XPO7: variants seen among roughly 807,000 people sequenced by gnomAD.
XPO7 encodes exportin-7.
In XPO7, 21 loss-of-function variants were observed where a neutral mutation model predicts 144.3. The observed-to-expected ratio is 0.15, with a 90% CI of 0.10 to 0.21. The LOEUF (loss-of-function observed/expected upper bound fraction) is 0.21, where lower values mean the gene tolerates loss of function less well. XPO7 is among the 10% of genes least tolerant of loss of function. The pLI is 1.00. For missense variants in XPO7, 808 were observed against 1,325.8 expected (o/e 0.61, Z 6.06); for synonymous variants, 580 against 499.6 (o/e 1.16, Z -2.15).
In XPO7 at chr8:22,002,346, CCA is replaced by C. The variant is rs956905522; in HGVS notation, c.2943+80_2943+81del. On this transcript the variant is annotated intron_variant, in intron 25 of 27. Coordinates refer to ENST00000252512, the MANE Select transcript of XPO7 (RefSeq NM_015024.5). ...AAGGACCTCTGCAAGACAGGGGAGC[CCA>C]CACACGATTAACATGACATCTCATC... The C allele has an allele frequency of 1.7e-5, 26 of 1,518,534 alleles. No individual in the cohort carries two copies. The African/African-American group carries it at 1.8e-4, about 10-fold the overall frequency. 94.1% of individuals were successfully genotyped at this position (1,518,534 alleles called of 1,614,324 possible).
chr8:21,993,631 C>A (rs913635054), intron 19 of XPO7, among the ~76,000 whole-genome samples: 3 of 152,172 alleles, frequency 2.0e-5, no homozygotes, highest in African/African-American at 7.2e-5. Context: ...GAGTCCTGAT[C>A]TGGACCCTCC....
intron 1 of XPO7, among the ~76,000 whole-genome samples, chr8:21,923,862 C>T (rs1810373113): frequency 6.6e-6 from 1 of 152,230 alleles, no homozygotes; most frequent in Admixed American, 6.5e-5. Flanking sequence ...GCTAATGTCT[C>T]TCTGTAGGTA....
chr8:21,964,149 C>T (rs754825912), intron 1 of XPO7: 1 of 152,066 alleles, frequency 6.6e-6, no homozygotes, highest in South Asian at 2.1e-4. Flanking sequence ...TCTATTCCAG[C>T]GAGACAAGAA....
intron 1 of XPO7, among the ~76,000 whole-genome samples, chr8:21,948,150 A>G (rs1392452036): frequency 6.6e-6 from 1 of 152,238 alleles, no homozygotes; most frequent in East Asian, 1.9e-4. Context: ...CCTTAATTAG[A>G]AGCAGAGCGC....
chr8:21,959,619 T>A (rs191693126), intron 1 of XPO7, among the ~76,000 whole-genome samples: 1,752 of 152,220 alleles, frequency 0.012, 30 homozygotes, highest in Non-Finnish European at 0.013. Context: ...ACCAATTTAT[T>A]TTTTTAAAAT....
intron 1 of XPO7, among the ~76,000 whole-genome samples, chr8:21,936,197 G>T (rs977943354): frequency 1.3e-5 from 2 of 152,066 alleles, no homozygotes; most frequent in Admixed American, 1.3e-4. Context: ...TTTCATTGTG[G>T]CATGTTAATT....
At chr8:21,947,646 T>C (rs1464235968) in intron 1 of XPO7, among the ~76,000 whole-genome samples, 1 of 152,164 alleles carries the variant, frequency 6.6e-6, no homozygotes, top group Non-Finnish European at 1.5e-5. Context: ...TTTATGACTT[T>C]AGGATAGGAA....
At chr8:21,928,583 G>T (rs1368565779) in intron 1 of XPO7, among the ~76,000 whole-genome samples, 1 of 152,130 alleles carries the variant, frequency 6.6e-6, no homozygotes, top group Non-Finnish European at 1.5e-5. Context: ...TGCCTTTCTA[G>T]TAGGATCTTG....
At chr8:22,003,354 A>C (rs1813218869) in intron 26 of XPO7, 37 bp downstream of exon 26, 2 of 1,529,746 alleles carry the variant, frequency 1.3e-6, no homozygotes, top group South Asian at 2.4e-5. Flanking sequence ...ACCCAGAAGC[A>C]GTGGCAACCA....
At position 21,926,357 on chromosome 8, in the gene XPO7, G is replaced by A. The variant is rs144294575; in HGVS notation, c.18+6569G>A. Among the ~76,000 whole-genome samples, 694 of 152,206 alleles carry A rather than the reference G, an allele frequency of 4.6e-3. 4 individuals carry two copies. The highest frequency in any genetic ancestry group is 0.016 in the African/African-American group (657 of 41,518). ...TAAGAAATTATGATATTTACAATGT[G>A]CAGTCTCAGAAAGAACTGAGAGTTT... On this transcript the variant is annotated intron_variant, in intron 1 of 27. Coordinates refer to ENST00000252512, the MANE Select transcript of XPO7 (RefSeq NM_015024.5).
chr8:21,978,547 T>C (rs1812299793), intron 8 of XPO7, among the ~76,000 whole-genome samples: 1 of 152,186 alleles, frequency 6.6e-6, no homozygotes, highest in Non-Finnish European at 1.5e-5. Context: ...GATTTCAGTG[T>C]TGTCGGGTGT....
intron 1 of XPO7, among the ~76,000 whole-genome samples, chr8:21,928,042 A>G (rs949234773): frequency 1.3e-5 from 2 of 152,164 alleles, no homozygotes; most frequent in Non-Finnish European, 2.9e-5. Context: ...AGATACATAC[A>G]CCTGTGACTC....
intron 1 of XPO7, among the ~76,000 whole-genome samples, chr8:21,923,524 C>T (rs1393907186): frequency 6.6e-6 from 1 of 152,172 alleles, no homozygotes; most frequent in African/African-American, 2.4e-5. Flanking sequence ...TATATATTTA[C>T]TTGATTACTC....
At chr8:21,927,245 T>C (rs1396530601) in intron 1 of XPO7, among the ~76,000 whole-genome samples, 2 of 152,090 alleles carry the variant, frequency 1.3e-5, no homozygotes, top group Non-Finnish European at 2.9e-5. Context: ...AATTAATTAA[T>C]TTAAATTAAA....
intron 1 of XPO7, among the ~76,000 whole-genome samples, chr8:21,962,322 G>T (rs1330556393): frequency 1.3e-5 from 2 of 152,040 alleles, no homozygotes; most frequent in African/African-American, 2.4e-5. Context: ...TTCTTTTCAG[G>T]CCGCTAAAAC....
In XPO7 at chr8:21,956,300, G is replaced by T. The variant is rs557643788; in HGVS notation, c.19-10557G>T. ...CCAGAGCCATGTGATTCCTGATCCT[G>T]TTTTGTTTTCTGTGTTTCTCTCTCT... On this transcript the variant is annotated intron_variant, in intron 1 of 27. Coordinates refer to ENST00000252512, the MANE Select transcript of XPO7 (RefSeq NM_015024.5). Among the ~76,000 whole-genome samples the T allele has an allele frequency of 5.3e-5, 8 of 152,270 alleles. No individual in the cohort carries two copies. In the South Asian group the frequency reaches 1.7e-3, roughly 32 times the overall value.
At chr8:21,920,176 C>T (rs1279961338) in intron 1 of XPO7, among the ~76,000 whole-genome samples, 7 of 140,324 alleles carry the variant, frequency 5.0e-5, no homozygotes, top group Non-Finnish European at 4.7e-5. Context: ...CTGAGGGGGA[C>T]GCCCCCATGA....
chr8:21,955,973 C>A (rs935902685), intron 1 of XPO7, among the ~76,000 whole-genome samples: 1 of 152,032 alleles, frequency 6.6e-6, no homozygotes, highest in Non-Finnish European at 1.5e-5. Context: ...GTGATCCACC[C>A]GCCTCAGCCT....
At chr8:22,000,516 G>T (rs924741661) in intron 24 of XPO7, among the ~76,000 whole-genome samples, 1 of 148,898 alleles carries the variant, frequency 6.7e-6, no homozygotes, top group African/African-American at 2.5e-5. Context: ...GCAGTGGCGC[G>T]ATCTCAGCTC....
Sources: gnomAD v4.1 joint callset for allele counts (sites outside exome capture counted in the v4.1 genomes callset) on GRCh38, gnomAD v4.1.1 for gene constraint, MANE v1.5 for transcripts, NCBI Gene and HGNC (gene_info 2026-07-23, HGNC 2026-07-21) for gene names.